LAMA1: variants seen among roughly 807,000 people sequenced by gnomAD.
The protein encoded by LAMA1 is laminin subunit alpha 1.
In LAMA1, 219 loss-of-function variants were observed where a neutral mutation model predicts 348.7. The observed-to-expected ratio is 0.63, with a 90% CI of 0.56 to 0.70. The LOEUF (loss-of-function observed/expected upper bound fraction) is 0.70. Ranked by LOEUF, LAMA1 falls within the 30% of genes least tolerant of loss-of-function variation. LAMA1 has a pLI of 0.00. For missense variants in LAMA1, 3,744 were observed against 3,888.0 expected (o/e 0.96, Z 0.99); for synonymous variants, 1,487 against 1,491.0 (o/e 1.00, Z 0.06).
chr18:7,026,132 G>A, intron 16 of LAMA1, 26 bp from the exon 17 acceptor site: 2 of 1,607,874 alleles, frequency 1.2e-6, no homozygotes, highest in Non-Finnish European at 1.7e-6. Flanking sequence ...AGAAGAATCA[G>A]CTCAGGTTGT....
intron 9 of LAMA1, 141 bp downstream of exon 9, chr18:7,042,004 T>C (rs2058022458): frequency 1.5e-6 from 1 of 685,810 alleles, no homozygotes; most frequent in South Asian, 1.5e-5. Flanking sequence ...TGACACATAG[T>C]AGGTGCTTGA....
At chr18:6,955,803 T>A (rs898094565) in intron 56 of LAMA1, 8 of 391,580 alleles carry the variant, frequency 2.0e-5, no homozygotes, top group African/African-American at 1.2e-4. Context: ...GACCCGAGGT[T>A]TTGGGAATGG....
chr18:7,078,829 A>G (rs2143779981), intron 3 of LAMA1, among the ~76,000 whole-genome samples: 2 of 152,120 alleles, frequency 1.3e-5, no homozygotes, highest in African/African-American at 4.8e-5. Flanking sequence ...TACTAAAAAC[A>G]CAAAAAAATT....
chr18:7,047,561 C>T (rs543297594), intron 5 of LAMA1, among the ~76,000 whole-genome samples: 58 of 152,180 alleles, frequency 3.8e-4, no homozygotes, highest in Admixed American at 3.1e-3. Context: ...TCTTAGCAGG[C>T]TTTATTTTTT....
chr18:6,982,457 C>T, intron 41 of LAMA1, 40 bp downstream of exon 41: 1 of 1,540,796 alleles, frequency 6.5e-7, no homozygotes, highest in Non-Finnish European at 9.0e-7. Flanking sequence ...GACGCTCACG[C>T]TCACTCTGCC....
chr18:7,102,754 C>T lies in LAMA1; in HGVS notation c.61+14906G>A, dbSNP rs145865652. On this transcript the variant is annotated intron_variant, in intron 1 of 62. Coordinates refer to ENST00000389658, the MANE Select transcript of LAMA1 (RefSeq NM_005559.4). ...CAAGGTCCACCTGTCACCTGTATGGCACTTTCTAGATACTCAACAAATACT... is the reference window on the plus strand; with the variant it reads ...CAAGGTCCACCTGTCACCTGTATGGTACTTTCTAGATACTCAACAAATACT... Among the ~76,000 whole-genome samples the T allele has an allele frequency of 5.1e-3, 773 of 152,226 alleles. 9 individuals are homozygous for T. Among genetic ancestry groups the T allele is most frequent in the African/African-American group, 0.018 (735 of 41,530 alleles).
intron 1 of LAMA1, among the ~76,000 whole-genome samples, chr18:7,101,262 A>G (rs2058290202): frequency 6.6e-6 from 1 of 152,230 alleles, no homozygotes. Flanking sequence ...ATACTACAAT[A>G]AAACTGTTAA....
At chr18:7,097,648 T>C (rs1231117683) in intron 1 of LAMA1, among the ~76,000 whole-genome samples, 1 of 152,044 alleles carries the variant, frequency 6.6e-6, no homozygotes, top group Non-Finnish European at 1.5e-5. Flanking sequence ...GCCAAAGAAG[T>C]CCAGACAGTG....
intron 22 of LAMA1, 42 bp from the exon 23 acceptor site, chr18:7,014,093 G>C: frequency 6.9e-7 from 1 of 1,458,660 alleles, no homozygotes; most frequent in African/African-American, 1.4e-5. Flanking sequence ...AGGCAGATTT[G>C]ATGCTTCCAA....
intron 17 of LAMA1, among the ~76,000 whole-genome samples, chr18:7,025,483 T>C (rs115498951): frequency 0.01 from 1,552 of 152,262 alleles, 22 homozygotes; most frequent in African/African-American, 0.036. Flanking sequence ...CACGGCCAGG[T>C]GAGAACAGTT....
At chr18:7,014,898 A>G (rs886317113) in intron 22 of LAMA1, among the ~76,000 whole-genome samples, 4 of 151,668 alleles carry the variant, frequency 2.6e-5, no homozygotes, top group Non-Finnish European at 4.4e-5. Context: ...CCAGGCTGGA[A>G]TGCAGTGGCC....
At chr18:7,021,456 G>C (rs1034408683) in intron 19 of LAMA1, among the ~76,000 whole-genome samples, 1 of 152,020 alleles carries the variant, frequency 6.6e-6, no homozygotes, top group Non-Finnish European at 1.5e-5. Context: ...TTTTAAATAT[G>C]TTTGAACTAC....
At chr18:7,028,252 G>C (rs1188612602) in intron 16 of LAMA1, among the ~76,000 whole-genome samples, 1 of 152,136 alleles carries the variant, frequency 6.6e-6, no homozygotes, top group Non-Finnish European at 1.5e-5. Flanking sequence ...AAGCTATTTG[G>C]TCAAAACTTT....
In LAMA1 at chr18:7,044,738, G is replaced by A. The variant is rs774118511; in HGVS notation, c.960C>T (p.Ser320=). ...TATACTGACCTTCACATGTATTGCC[G>A]GAGGACACGGTTCCCGGCCTCCAGG... The part of the protein sequence containing the change: ...QQPWRPGTVS[S]GNTCEACNCH... The change falls in exon 7 of 63, where the codon TCC becomes TCT. Residue 320 remains serine (S), a synonymous_variant. Transcript: ENST00000389658. 1.2e-5 allele frequency: 20 copies of A among 1,613,760 alleles called. No individual in the cohort carries two copies. Among genetic ancestry groups the A allele is most frequent in the African/African-American group, 6.7e-5 (5 of 74,886 alleles).
intron 1 of LAMA1, among the ~76,000 whole-genome samples, chr18:7,101,020 T>C (rs113002628): frequency 6.2e-4 from 94 of 151,962 alleles, no homozygotes; most frequent in Middle Eastern, 3.4e-3. Flanking sequence ...AGCTGGACTC[T>C]GTCTCAAAAA....
intron 1 of LAMA1, among the ~76,000 whole-genome samples, chr18:7,080,914 A>G (rs755893120): frequency 1.3e-5 from 2 of 152,230 alleles, no homozygotes; most frequent in Non-Finnish European, 2.9e-5. Flanking sequence ...TTAGGAGTAA[A>G]GTCTACTTAT....
At chr18:7,051,489 T>A (rs2058062216) in intron 3 of LAMA1, among the ~76,000 whole-genome samples, 1 of 152,198 alleles carries the variant, frequency 6.6e-6, no homozygotes. Context: ...AAATGTGTCT[T>A]GTGAATAATC....
intron 3 of LAMA1, among the ~76,000 whole-genome samples, chr18:7,054,318 G>A (rs1420449015): frequency 6.6e-6 from 1 of 152,136 alleles, no homozygotes. Flanking sequence ...TTAAAATGCA[G>A]CTCCCAGGAA....
chr18:7,021,853 T>TATATAATATAATATTATATTATATA (rs1568034758), intron 19 of LAMA1, among the ~76,000 whole-genome samples: 1 of 70,092 alleles, frequency 1.4e-5, no homozygotes, highest in Non-Finnish European at 2.9e-5. Flanking sequence ...TATATTATAT[T>TATATAATATAATATTATATTATATA]ATATATATTA....
Sources: allele counts gnomAD v4.1 joint callset (sites outside exome capture counted in the v4.1 genomes callset), GRCh38; gene constraint gnomAD v4.1.1; transcripts MANE v1.5; gene names NCBI Gene and HGNC (gene_info 2026-07-23, HGNC 2026-07-21).